Variants in PPP2R5A observed in about 807,000 individuals in gnomAD.
PPP2R5A encodes the protein serine/threonine-protein phosphatase 2A 56 kDa regulatory subunit alpha isoform.
PPP2R5A carries 25 observed loss-of-function variants against 64.2 expected under a neutral mutation model. That is an observed-to-expected ratio of 0.39 (90% CI 0.28 to 0.54). The LOEUF is 0.54. Among genes scored for constraint, PPP2R5A ranks in the 20% least tolerant of loss-of-function variants. PPP2R5A has a pLI of 0.67. For missense variants in PPP2R5A, 425 were observed against 576.3 expected, an observed-to-expected ratio of 0.74 and a Z score of 2.69; for synonymous variants, 198 against 201.2, an observed-to-expected ratio of 0.98 and a Z score of 0.13.
intron 1 of PPP2R5A, chr1:212,297,809 G>GTTTTTTTTTTTTTTTA (rs78920543): frequency 7.4e-5 from 3 of 40,430 alleles, no homozygotes; most frequent in Admixed American, 2.1e-4. Context: ...GAAGTGAATT[G>GTTTTTTTTTTTTTTTA]TTTTTTTTTT....
intron 3 of PPP2R5A, among the ~76,000 whole-genome samples, chr1:212,338,443 G>T (rs777100828): frequency 9.9e-5 from 15 of 152,270 alleles, no homozygotes; most frequent in Non-Finnish European, 1.2e-4. Context: ...CTTGGAGCAA[G>T]TTATTTGTAT....
At chr1:212,318,350 T>C (rs978141978) in intron 1 of PPP2R5A, among the ~76,000 whole-genome samples, 1 of 152,216 alleles carries the variant, frequency 6.6e-6, no homozygotes, top group Non-Finnish European at 1.5e-5. Flanking sequence ...ATAATATTCA[T>C]GCAGAGCTTT....
intron 1 of PPP2R5A, among the ~76,000 whole-genome samples, chr1:212,310,677 G>T (rs1042434969): frequency 6.6e-6 from 1 of 152,194 alleles, no homozygotes; most frequent in Non-Finnish European, 1.5e-5. Flanking sequence ...AACTTTATAG[G>T]CCAGAACAAA....
chr1:212,309,637 G>A, intron 1 of PPP2R5A: 1 of 531,458 alleles, frequency 1.9e-6, no homozygotes. Flanking sequence ...TCACAGGCAG[G>A]TTCTACAACC....
intron 1 of PPP2R5A, among the ~76,000 whole-genome samples, chr1:212,300,926 C>T (rs1658789377): frequency 6.6e-6 from 1 of 152,082 alleles, no homozygotes; most frequent in Non-Finnish European, 1.5e-5. Flanking sequence ...GATTTCCCCA[C>T]CACCACCATC....
intron 1 of PPP2R5A, chr1:212,309,440 C>T: frequency 9.3e-7 from 1 of 1,076,056 alleles, no homozygotes; most frequent in Non-Finnish European, 1.4e-6. Flanking sequence ...TTCAACATTG[C>T]CTTTTTGGCC....
At chr1:212,346,931 C>G (rs1558153268) in intron 5 of PPP2R5A, among the ~76,000 whole-genome samples, 1 of 152,166 alleles carries the variant, frequency 6.6e-6, no homozygotes, top group Non-Finnish European at 1.5e-5. Context: ...GAAAGCTATG[C>G]AGCCTATATA....
intron 1 of PPP2R5A, among the ~76,000 whole-genome samples, chr1:212,295,759 TAAG>T (rs1658682027): frequency 6.6e-6 from 1 of 152,152 alleles, no homozygotes; most frequent in Non-Finnish European, 1.5e-5. Flanking sequence ...ACAAGTCAAG[TAAG>T]AACTGAAAAG....
intron 1 of PPP2R5A, among the ~76,000 whole-genome samples, chr1:212,292,170 C>T (rs1485192646): frequency 1.3e-5 from 2 of 152,148 alleles, no homozygotes; most frequent in African/African-American, 2.4e-5. Context: ...TAATCTTGAC[C>T]ACAACTTTTT....
intron 1 of PPP2R5A, among the ~76,000 whole-genome samples, chr1:212,293,901 T>A (rs1164318010): frequency 6.6e-6 from 1 of 152,216 alleles, no homozygotes; most frequent in East Asian, 1.9e-4. Context: ...GATTTCACTC[T>A]TGTTATTCTA....
chr1:212,330,252 A>G (rs1255554613), intron 2 of PPP2R5A, among the ~76,000 whole-genome samples: 1 of 152,132 alleles, frequency 6.6e-6, no homozygotes, highest in Non-Finnish European at 1.5e-5. Flanking sequence ...AGGCCAGTGC[A>G]GTGGCTCGCT....
At chr1:212,316,244 A>C (rs1194304527) in intron 1 of PPP2R5A, among the ~76,000 whole-genome samples, 1 of 152,188 alleles carries the variant, frequency 6.6e-6, no homozygotes, top group Non-Finnish European at 1.5e-5. Flanking sequence ...CTCTTGTACC[A>C]AACAGCCAAG....
At chr1:212,359,206 C>T (rs1028252861) in intron 12 of PPP2R5A, among the ~76,000 whole-genome samples, 20 of 152,202 alleles carry the variant, frequency 1.3e-4, no homozygotes, top group Admixed American at 6.5e-4. Context: ...CATGCATTTA[C>T]GAAAATCCTT....
rs932279240 is a variant in PPP2R5A, at chr1:212,285,825, A to G, written c.-286A>G. On this transcript the variant is annotated 5_prime_UTR_variant, in exon 1 of 13. Transcript: ENST00000261461. The stretch of plus-strand genomic sequence containing the variant: ...TCTCTTCCACCCGCTCTGCGCGCCC[A>G]GAGTCAACAACTTCTTCACCCCCCT... The G allele has an allele frequency of 1.8e-5, 6 of 324,352 alleles. No homozygotes were observed. Among genetic ancestry groups the G allele is most frequent in the Non-Finnish European group, 3.3e-5 (6 of 179,126 alleles). The allele number at this position is 324,352 out of a possible 1,614,324, so 20.1% of individuals were successfully genotyped here.
chr1:212,333,539 C>A lies in PPP2R5A; in HGVS notation c.421C>A (p.Pro141Thr), dbSNP rs748582305. 8.7e-6 allele frequency: 14 copies of A among 1,602,304 alleles called. No individual in the cohort carries two copies. Among genetic ancestry groups the A allele is most frequent in the Non-Finnish European group, 8.5e-7 (1 of 1,172,798 alleles). Residue 141 changes from proline to threonine, a missense_variant, in exon 3 of 13, where the codon CCA becomes ACA. Coordinates refer to ENST00000261461, the MANE Select transcript of PPP2R5A (RefSeq NM_006243.4). ...IFRTLPPSDNPDFDPEEDEPT... is the reference protein window; with the variant it reads ...IFRTLPPSDNTDFDPEEDEPT... ...CCGTACACTTCCTCCAAGTGATAATCCAGATTTTGATCCAGAAGAGGATGA... is the reference window on the plus strand; with the variant it reads ...CCGTACACTTCCTCCAAGTGATAATACAGATTTTGATCCAGAAGAGGATGA...
intron 1 of PPP2R5A, among the ~76,000 whole-genome samples, chr1:212,300,136 A>G (rs965197168): frequency 4.6e-5 from 7 of 152,156 alleles, no homozygotes; most frequent in Non-Finnish European, 8.8e-5. Flanking sequence ...TTGATTATTC[A>G]TATAGGAAAG....
chr1:212,321,821 C>T lies in PPP2R5A; in HGVS notation c.182-7314C>T, dbSNP rs1037056998. On this transcript the variant is annotated intron_variant, in intron 1 of 12. Transcript: ENST00000261461. The stretch of plus-strand genomic sequence containing the variant: ...CAGAGGCTGCAATCTCGGCACTTTG[C>T]GGGGCCAAGGCAGGCAGCTGGGAGG... Among the ~76,000 whole-genome samples the T allele has an allele frequency of 9.3e-4, 141 of 151,236 alleles. 2 individuals are homozygous for T. The highest frequency in any genetic ancestry group is 3.2e-3 in the African/African-American group (132 of 41,048).
chr1:212,350,995 T>A (rs569306209), intron 8 of PPP2R5A, among the ~76,000 whole-genome samples: 500 of 119,870 alleles, frequency 4.2e-3, no homozygotes, highest in Middle Eastern at 8.8e-3. Context: ...AAAAAAAAAA[T>A]TAGCTGGGCA....
At chr1:212,301,270 C>A (rs528739496) in intron 1 of PPP2R5A, among the ~76,000 whole-genome samples, 4 of 152,194 alleles carry the variant, frequency 2.6e-5, no homozygotes, top group East Asian at 3.8e-4. Flanking sequence ...CTTGGCCCCC[C>A]CAAAGTGCTG....
Sources: allele counts gnomAD v4.1 joint callset (sites outside exome capture counted in the v4.1 genomes callset), GRCh38; gene constraint gnomAD v4.1.1; transcripts MANE v1.5; gene names NCBI Gene and HGNC (gene_info 2026-07-23, HGNC 2026-07-21).